RIMS1: variants seen among roughly 807,000 people sequenced by gnomAD.
RIMS1 encodes the protein regulating synaptic membrane exocytosis 1, also known as regulating synaptic membrane exocytosis protein 1.
In RIMS1, 83 loss-of-function variants were observed where a neutral mutation model predicts 214.1. That is an observed-to-expected ratio of 0.39 (90% CI 0.32 to 0.47). The LOEUF is 0.47. RIMS1 is among the 20% of genes least tolerant of loss of function. RIMS1 has a pLI of 0.99. For synonymous variants in RIMS1, 793 were observed against 786.8 expected, an observed-to-expected ratio of 1.01 and a Z score of -0.13; for missense variants, 2,050 against 2,161.8, an observed-to-expected ratio of 0.95 and a Z score of 1.03.
At chr6:72,035,317 C>T (rs1428266594) in intron 2 of RIMS1, among the ~76,000 whole-genome samples, 7 of 151,956 alleles carry the variant, frequency 4.6e-5, no homozygotes, top group African/African-American at 1.7e-4. Flanking sequence ...TATTTCCCAA[C>T]CTTTATCAGA....
chr6:71,980,697 A>T (rs1798270771), intron 2 of RIMS1, among the ~76,000 whole-genome samples: 1 of 152,104 alleles, frequency 6.6e-6, no homozygotes, highest in Non-Finnish European at 1.5e-5. Flanking sequence ...TTCCTGGAGA[A>T]AAAGGGACCA....
intron 6 of RIMS1, among the ~76,000 whole-genome samples, chr6:72,196,980 C>G (rs2051104590): frequency 6.6e-6 from 1 of 152,042 alleles, no homozygotes; most frequent in African/African-American, 2.4e-5. Flanking sequence ...TTACCATTCC[C>G]CCTTCCTCTT....
rs11398431 is a variant in RIMS1, at chr6:72,175,679, CA to C, written c.472-3885del. ...CAGGAGCAAAACTCCATTCCCCCACCAAAAAAAAAAAGAAATTATTCTAGAC... is the reference window on the plus strand; with the variant it reads ...CAGGAGCAAAACTCCATTCCCCCACCAAAAAAAAAAGAAATTATTCTAGAC... On this transcript the variant is annotated intron_variant, in intron 4 of 33. Transcript: ENST00000521978. Among the ~76,000 whole-genome samples the C allele has an allele frequency of 2.1e-3, 309 of 145,400 alleles. 1 individual carries two copies. The highest frequency in any genetic ancestry group is 6.5e-3 in the African/African-American group (261 of 39,908).
Position 72,259,155 on chromosome 6 carries a change from CTGTTT to C in RIMS1, c.3053+46_3053+50del, listed in dbSNP as rs761536023. ...ATCTCAACGTTATGAATTTTTTGTT[CTGTTT>C]TAATATATACAGATATTGTGGCATA... On this transcript the variant is annotated intron_variant, in intron 18 of 33. Transcript: ENST00000521978. 5.1e-6 allele frequency: 8 copies of C among 1,563,158 alleles called. No homozygotes were observed. The Admixed American group carries it at 5.2e-5, about 10-fold the overall frequency.
intron 2 of RIMS1, among the ~76,000 whole-genome samples, chr6:71,994,584 A>G (rs1802834772): frequency 6.6e-6 from 1 of 152,182 alleles, no homozygotes; most frequent in South Asian, 2.1e-4. Flanking sequence ...AGGAGTCTCA[A>G]TCTATTCCTG....
chr6:72,296,982 C>A (rs2154262811), intron 26 of RIMS1, among the ~76,000 whole-genome samples: 1 of 151,794 alleles, frequency 6.6e-6, no homozygotes, highest in Non-Finnish European at 1.5e-5. Flanking sequence ...TTATTTCTCA[C>A]CCTTAGCATA....
chr6:72,082,817 A>G (rs1271146349), intron 2 of RIMS1, among the ~76,000 whole-genome samples: 1 of 152,174 alleles, frequency 6.6e-6, no homozygotes, highest in East Asian at 1.9e-4. Flanking sequence ...AACTTTACCA[A>G]CAGAAGAGTT....
At chr6:72,169,828 C>T (rs2046780658) in intron 4 of RIMS1, among the ~76,000 whole-genome samples, 1 of 152,116 alleles carries the variant, frequency 6.6e-6, no homozygotes, top group African/African-American at 2.4e-5. Flanking sequence ...GATGGATCAC[C>T]TAAGCCAAGG....
At chr6:72,140,989 A>G (rs1293209343) in intron 4 of RIMS1, among the ~76,000 whole-genome samples, 1 of 151,986 alleles carries the variant, frequency 6.6e-6, no homozygotes, top group Non-Finnish European at 1.5e-5. Flanking sequence ...CTTCCACAGG[A>G]TGGCAGGAAA....
intron 1 of RIMS1, among the ~76,000 whole-genome samples, chr6:71,905,914 T>C (rs1775120959): frequency 6.6e-6 from 1 of 152,138 alleles, no homozygotes; most frequent in Non-Finnish European, 1.5e-5. Flanking sequence ...TCATCTACTC[T>C]ATCACCCTCC....
At chr6:72,032,215 G>A (rs754434603) in intron 2 of RIMS1, among the ~76,000 whole-genome samples, 1 of 151,918 alleles carries the variant, frequency 6.6e-6, no homozygotes, top group African/African-American at 2.4e-5. Context: ...TGTGGCCTTA[G>A]AAACAATGAA....
intron 6 of RIMS1, among the ~76,000 whole-genome samples, chr6:72,211,743 T>C (rs911538776): frequency 7.3e-5 from 11 of 151,162 alleles, no homozygotes; most frequent in Non-Finnish European, 1.2e-4. Context: ...TTCTAAGATA[T>C]TATATGTGAT....
At chr6:72,087,963 T>C (rs977123585) in intron 2 of RIMS1, among the ~76,000 whole-genome samples, 3 of 152,178 alleles carry the variant, frequency 2.0e-5, no homozygotes, top group African/African-American at 7.2e-5. Context: ...GGCTACTATT[T>C]CTGCTGTTAA....
At chr6:72,094,565 GACT>G (rs2030617250) in intron 2 of RIMS1, among the ~76,000 whole-genome samples, 2 of 152,272 alleles carry the variant, frequency 1.3e-5, no homozygotes, top group East Asian at 1.9e-4. Flanking sequence ...GCAAAATCTG[GACT>G]ACTATCTGTT....
chr6:72,335,852 G>T (rs184549444), intron 29 of RIMS1, among the ~76,000 whole-genome samples: 1 of 151,692 alleles, frequency 6.6e-6, no homozygotes, highest in Non-Finnish European at 1.5e-5. Context: ...TCATACGTTT[G>T]TTGGCCACAT....
At chr6:72,131,166 T>C (rs986616537) in intron 4 of RIMS1, among the ~76,000 whole-genome samples, 2 of 152,176 alleles carry the variant, frequency 1.3e-5, no homozygotes, top group African/African-American at 4.8e-5. Flanking sequence ...GATTCATTAA[T>C]CTTCATTCTT....
At chr6:72,297,530 T>C (rs961166817) in intron 26 of RIMS1, among the ~76,000 whole-genome samples, 3 of 152,006 alleles carry the variant, frequency 2.0e-5, no homozygotes, top group African/African-American at 4.8e-5. Flanking sequence ...GCATGAAATA[T>C]GCACATTTAG....
At chr6:72,148,383 G>T (rs1214582763) in intron 4 of RIMS1, among the ~76,000 whole-genome samples, 2 of 151,768 alleles carry the variant, frequency 1.3e-5, no homozygotes, top group Non-Finnish European at 2.9e-5. Flanking sequence ...ACAAGAGGGG[G>T]AGAAAAAAAA....
chr6:72,150,849 A>G (rs2043458036), intron 4 of RIMS1, among the ~76,000 whole-genome samples: 1 of 152,154 alleles, frequency 6.6e-6, no homozygotes. Context: ...AAGGGCCACA[A>G]GTTCCAGATT....
Sources: gnomAD v4.1 joint callset for allele counts (sites outside exome capture counted in the v4.1 genomes callset) on GRCh38, gnomAD v4.1.1 for gene constraint, MANE v1.5 for transcripts, NCBI Gene and HGNC (gene_info 2026-07-23, HGNC 2026-07-21) for gene names.